HDGFL3: variants seen among roughly 807,000 people sequenced by gnomAD.
HDGFL3 encodes hepatoma-derived growth factor-related protein 3.
HDGFL3 carries 6 observed loss-of-function variants against 27.6 expected under a neutral mutation model. The ratio of observed to expected loss-of-function variants is 0.22; its 90% CI spans 0.12 to 0.43. HDGFL3 has a LOEUF of 0.43. HDGFL3 is among the 20% of genes least tolerant of loss of function. HDGFL3 has a pLI of 1.00. For missense variants in HDGFL3, 207 were observed against 250.1 expected, an observed-to-expected ratio of 0.83 and a Z score of 1.16; for synonymous variants, 88 against 88.9, an observed-to-expected ratio of 0.99 and a Z score of 0.05.
At chr15:83,174,550 AAC>A (rs1204372756) in intron 1 of HDGFL3, among the ~76,000 whole-genome samples, 1 of 152,166 alleles carries the variant, frequency 6.6e-6, no homozygotes, top group Non-Finnish European at 1.5e-5. Flanking sequence ...TGTAGTAAAA[AAC>A]ACGACATAAA....
At chr15:83,182,671 G>C (rs969268736) in intron 1 of HDGFL3, among the ~76,000 whole-genome samples, 2 of 152,088 alleles carry the variant, frequency 1.3e-5, no homozygotes, top group Admixed American at 1.3e-4. Context: ...AGAATTTTCT[G>C]GGGTAATGGT....
intron 5 of HDGFL3, among the ~76,000 whole-genome samples, chr15:83,145,774 G>A (rs1270878304): frequency 1.3e-5 from 2 of 149,782 alleles, no homozygotes; most frequent in Non-Finnish European, 3.0e-5. Context: ...TAACATTCTG[G>A]TATCTCAGTT....
At chr15:83,146,970 T>C (rs1050244456) in intron 5 of HDGFL3, among the ~76,000 whole-genome samples, 1 of 152,186 alleles carries the variant, frequency 6.6e-6, no homozygotes, top group African/African-American at 2.4e-5. Flanking sequence ...AAGTATCTAC[T>C]TACCTGTATC....
Position 83,122,150 on chromosome 15 carries a change from C to T in HDGFL3, c.394-6409G>A. The T allele has an allele frequency of 4.2e-6, 3 of 722,606 alleles. No individual in the cohort carries two copies. In the Admixed American group the frequency reaches 9.6e-5, roughly 23 times the overall value. 44.8% of individuals were successfully genotyped at this position (722,606 alleles called of 1,614,324 possible). On this transcript the variant is annotated intron_variant, in intron 3 of 3. Coordinates refer to the HDGFL3 transcript ENST00000568294. ...TTGCAGAATAATTCCTTTTTCTCAC[C>T]TTTAAAAAAAGTACTTTTTAAGAAG...
Position 83,136,641 on chromosome 15 carries a change from T to TA in HDGFL3, c.*2628dup. The TA allele has an allele frequency of 1.3e-6, 2 of 1,599,714 alleles. No individual in the cohort carries two copies. Among genetic ancestry groups the TA allele is most frequent in the Non-Finnish European group, 1.7e-6 (2 of 1,176,480 alleles). ...TGTATCTACAAACCAGAGTTCTTCA[T>TA]AAAAACAAAGGCAGAAGAAAAAGTG... On this transcript the variant is annotated 3_prime_UTR_variant, in exon 6 of 6. Transcript: ENST00000299633.
chr15:83,170,333 A>G (rs1016980820), intron 1 of HDGFL3, among the ~76,000 whole-genome samples: 1 of 152,262 alleles, frequency 6.6e-6, no homozygotes, highest in Non-Finnish European at 1.5e-5. Context: ...GTAAGGCCAC[A>G]TTAACCAAAA....
At chr15:83,194,175 C>T (rs2037543879) in intron 1 of HDGFL3, among the ~76,000 whole-genome samples, 1 of 152,126 alleles carries the variant, frequency 6.6e-6, no homozygotes, top group South Asian at 2.1e-4. Context: ...CTCAGGTATC[C>T]ATCAGTGGAT....
chr15:83,143,769 T>C (rs566770156), intron 5 of HDGFL3, among the ~76,000 whole-genome samples: 1 of 152,204 alleles, frequency 6.6e-6, no homozygotes, highest in Non-Finnish European at 1.5e-5. Flanking sequence ...CACTATACTG[T>C]AGAAAGAACG....
intron 1 of HDGFL3, among the ~76,000 whole-genome samples, chr15:83,199,568 C>T (rs567007987): frequency 6.6e-6 from 1 of 152,334 alleles, no homozygotes; most frequent in East Asian, 1.9e-4. Flanking sequence ...CTCCCCTACA[C>T]TGACACCTCT....
intron 4 of HDGFL3, among the ~76,000 whole-genome samples, chr15:83,152,425 G>A (rs2036975096): frequency 6.6e-6 from 1 of 152,134 alleles, no homozygotes; most frequent in South Asian, 2.1e-4. Context: ...CTGGGGCTGG[G>A]CGCAGTGGCT....
intron 1 of HDGFL3, among the ~76,000 whole-genome samples, chr15:83,206,712 G>T (rs2037721650): frequency 6.6e-6 from 1 of 152,232 alleles, no homozygotes. Flanking sequence ...TCAGAGGTCG[G>T]TTTAAAAGAA....
intron 1 of HDGFL3, among the ~76,000 whole-genome samples, chr15:83,183,347 A>C (rs927368375): frequency 1.3e-5 from 2 of 151,836 alleles, no homozygotes; most frequent in African/African-American, 4.8e-5. Context: ...CAAAAATCGT[A>C]GAGTGAAATT....
intron 1 of HDGFL3, among the ~76,000 whole-genome samples, chr15:83,193,579 C>A (rs2037537262): frequency 6.6e-6 from 1 of 152,136 alleles, no homozygotes; most frequent in African/African-American, 2.4e-5. Flanking sequence ...AGGGCTTAGA[C>A]CCTGGACCAG....
At chr15:83,168,601 G>A (rs865869078) in intron 1 of HDGFL3, among the ~76,000 whole-genome samples, 1 of 152,070 alleles carries the variant, frequency 6.6e-6, no homozygotes. Flanking sequence ...TTGAAACACG[G>A]AACAGACCAA....
At position 83,192,680 on chromosome 15, in the gene HDGFL3, T is replaced by A. The variant is rs150009555; in HGVS notation, c.84+14651A>T. 2.3e-3 allele frequency among the ~76,000 whole-genome samples: 348 copies of A among 152,312 alleles called. 4 individuals are homozygous for A. Among genetic ancestry groups the A allele is most frequent in the African/African-American group, 8.0e-3 (334 of 41,564 alleles). The stretch of plus-strand genomic sequence containing the variant: ...AGGATGAAATTCATCACAGGAAAAT[T>A]TGAAAAATCCTAGGCATAAAACAAA... On this transcript the variant is annotated intron_variant, in intron 1 of 5. Transcript: ENST00000299633.
At position 83,135,417 on chromosome 15, in the gene HDGFL3, C is replaced by A. The variant is rs2036542498; in HGVS notation, c.*3853G>T. ...CCTTCTCTATAGTGCAGTCTTTTGT[C>A]TCTTTGATCCTGATGAACTGATAAT... On this transcript the variant is annotated 3_prime_UTR_variant, in exon 6 of 6. Transcript: ENST00000299633. 1 of 152,150 alleles carries A rather than the reference C, an allele frequency of 6.6e-6. No homozygotes were observed. Among genetic ancestry groups the A allele is most frequent in the Admixed American group, 6.6e-5 (1 of 15,264 alleles). The allele number at this position is 152,150 out of a possible 1,614,324, so 9.4% of individuals were successfully genotyped here. A position where few individuals can be genotyped will look rare whatever the true frequency, so the allele number is the denominator to read the frequency against.
chr15:83,188,014 T>G (rs1438345308), intron 1 of HDGFL3, among the ~76,000 whole-genome samples: 1 of 152,232 alleles, frequency 6.6e-6, no homozygotes, highest in Non-Finnish European at 1.5e-5. Context: ...TTTTCCATTT[T>G]AGCAGATATT....
In HDGFL3 at chr15:83,132,447, ACT is replaced by A. The variant is rs1319264518; in HGVS notation, c.*6821_*6822del. 1 of 151,954 alleles carries A rather than the reference ACT, an allele frequency of 6.6e-6. No individual in the cohort carries two copies. The allele number at this position is 151,954 out of a possible 1,614,324, so 9.4% of individuals were successfully genotyped here. ...TACTTCAGTCAGGTGCTGCCCTCAG[ACT>A]CTCTAACTCCCTGGCTATGTAGGTG... is the stretch of plus-strand genomic sequence containing the variant. On this transcript the variant is annotated 3_prime_UTR_variant, in exon 6 of 6. Coordinates refer to ENST00000299633, the MANE Select transcript of HDGFL3 (RefSeq NM_016073.4).
chr15:83,131,694 C>G lies in HDGFL3; in HGVS notation c.*7576G>C, dbSNP rs917386671. 3.3e-5 allele frequency: 5 copies of G among 152,116 alleles called. No individual in the cohort carries two copies. Among genetic ancestry groups the G allele is most frequent in the Non-Finnish European group, 5.9e-5 (4 of 68,032 alleles). 9.4% of individuals were successfully genotyped at this position (152,116 alleles called of 1,614,324 possible). On this transcript the variant is annotated 3_prime_UTR_variant, in exon 6 of 6. Coordinates refer to ENST00000299633, the MANE Select transcript of HDGFL3 (RefSeq NM_016073.4). ...CCTTGATTTCAGACCATGTAGGAGT[C>G]TGCCAAATCTGCTGCCTTCAGAAAT... is the stretch of plus-strand genomic sequence containing the variant.
Sources: gnomAD v4.1 joint callset for allele counts (sites outside exome capture counted in the v4.1 genomes callset) on GRCh38, gnomAD v4.1.1 for gene constraint, MANE v1.5 for transcripts, NCBI Gene and HGNC (gene_info 2026-07-23, HGNC 2026-07-21) for gene names.